The following ST6GALNAC3 variants were observed in gnomAD, a reference collection of about 807,000 sequenced individuals.
The protein encoded by ST6GALNAC3 is alpha-N-acetylgalactosaminide alpha-2,6-sialyltransferase 3.
Under a neutral mutation model 32.7 loss-of-function variants are expected in ST6GALNAC3, and 25 were observed. The observed-to-expected ratio is 0.76, with a 90% CI of 0.56 to 1.07. ST6GALNAC3 has a LOEUF of 1.07. ST6GALNAC3 is among the 50% of genes least tolerant of loss of function. ST6GALNAC3 has a pLI of 0.00. For missense variants in ST6GALNAC3, 355 were observed against 382.4 expected, an observed-to-expected ratio of 0.93 and a Z score of 0.60; for synonymous variants, 129 against 133.1, an observed-to-expected ratio of 0.97 and a Z score of 0.21.
chr1:76,560,401 C>T (rs931507106), intron 3 of ST6GALNAC3, among the ~76,000 whole-genome samples: 1 of 152,116 alleles, frequency 6.6e-6, no homozygotes, highest in African/African-American at 2.4e-5. Flanking sequence ...CGACAACCCA[C>T]AGAATGGGAG....
intron 1 of ST6GALNAC3, among the ~76,000 whole-genome samples, chr1:76,225,974 TC>T (rs1656044069): frequency 6.6e-6 from 1 of 152,204 alleles, no homozygotes; most frequent in Non-Finnish European, 1.5e-5. Context: ...TTGCATTTAA[TC>T]CTCATGAAGG....
At chr1:76,093,309 C>G (rs764836065) in intron 1 of ST6GALNAC3, among the ~76,000 whole-genome samples, 1 of 152,174 alleles carries the variant, frequency 6.6e-6, no homozygotes, top group Non-Finnish European at 1.5e-5. Flanking sequence ...TTAATTACCA[C>G]GTACAATTTT....
chr1:76,347,573 T>C (rs1265937965), intron 2 of ST6GALNAC3, among the ~76,000 whole-genome samples: 1 of 152,174 alleles, frequency 6.6e-6, no homozygotes, highest in Non-Finnish European at 1.5e-5. Flanking sequence ...ATTGATGGTA[T>C]CTAAGCTATT....
chr1:76,245,345 G>A (rs911380672), intron 1 of ST6GALNAC3, among the ~76,000 whole-genome samples: 5 of 152,022 alleles, frequency 3.3e-5, no homozygotes, highest in Middle Eastern at 3.2e-3. Flanking sequence ...AGTCTAGCTA[G>A]TGGTCTATTT....
chr1:76,285,625 A>AT (rs35148588), intron 1 of ST6GALNAC3, among the ~76,000 whole-genome samples: 72,273 of 151,774 alleles, frequency 0.48, 17,504 homozygotes, highest in African/African-American at 0.55. Flanking sequence ...ATGTTTTCAT[A>AT]TTTTTTTCTA....
intron 1 of ST6GALNAC3, among the ~76,000 whole-genome samples, chr1:76,209,599 C>T (rs775064009): frequency 7.9e-5 from 12 of 152,182 alleles, no homozygotes; most frequent in Non-Finnish European, 1.3e-4. Context: ...TATTTCTCCT[C>T]GGGAACTGAG....
At chr1:76,636,723 A>G (rs1649514316), downstream of ST6GALNAC3, among the ~76,000 whole-genome samples, 1 of 152,038 alleles carries the variant, frequency 6.6e-6, no homozygotes, top group Non-Finnish European at 1.5e-5. Context: ...TTTGCATCCT[A>G]GAAGTTTTTT....
chr1:76,286,170 G>C (rs1659765974), intron 1 of ST6GALNAC3, among the ~76,000 whole-genome samples: 1 of 152,198 alleles, frequency 6.6e-6, no homozygotes, highest in African/African-American at 2.4e-5. Flanking sequence ...AGAGGAAACA[G>C]TAAGAGAGAA....
At chr1:76,358,912 T>G (rs953881619) in intron 2 of ST6GALNAC3, among the ~76,000 whole-genome samples, 7 of 152,210 alleles carry the variant, frequency 4.6e-5, no homozygotes, top group Admixed American at 6.5e-5. Flanking sequence ...TTTTACCTCT[T>G]AGATCAATCA....
At chr1:76,537,711 A>G (rs751567087) in intron 3 of ST6GALNAC3, among the ~76,000 whole-genome samples, 3 of 152,222 alleles carry the variant, frequency 2.0e-5, no homozygotes, top group Non-Finnish European at 4.4e-5. Context: ...ACAGAAATGC[A>G]AACTACCATC....
chr1:76,084,646 TG>T (rs1031214302), intron 1 of ST6GALNAC3, among the ~76,000 whole-genome samples: 2 of 152,242 alleles, frequency 1.3e-5, no homozygotes, highest in African/African-American at 4.8e-5. Context: ...TGCTTATTTC[TG>T]TGTGCATAAA....
At chr1:76,317,306 C>T (rs1018255396) in intron 2 of ST6GALNAC3, among the ~76,000 whole-genome samples, 3 of 152,036 alleles carry the variant, frequency 2.0e-5, no homozygotes, top group African/African-American at 4.8e-5. Flanking sequence ...AGGCGCAATC[C>T]GTTGCAGAAA....
chr1:76,442,860 C>T (rs1269376093), intron 3 of ST6GALNAC3, among the ~76,000 whole-genome samples: 1 of 152,172 alleles, frequency 6.6e-6, no homozygotes, highest in African/African-American at 2.4e-5. Flanking sequence ...TTAGCTATTC[C>T]TCCTCCATCA....
chr1:76,379,733 T>C (rs143633310), intron 2 of ST6GALNAC3, among the ~76,000 whole-genome samples: 7 of 152,306 alleles, frequency 4.6e-5, no homozygotes, highest in Non-Finnish European at 7.3e-5. Context: ...TGTGGGTCCT[T>C]TCTCTCCTAG....
At position 76,133,356 on chromosome 1, in the gene ST6GALNAC3, G is replaced by C. The variant is rs186874926; in HGVS notation, c.18+58472G>C. Among the ~76,000 whole-genome samples the C allele has an allele frequency of 3.3e-5, 5 of 152,252 alleles. No homozygotes were observed. The East Asian group carries it at 9.7e-4, about 29-fold the overall frequency. On this transcript the variant is annotated intron_variant, in intron 1 of 4. Transcript: ENST00000328299. ...TCACTGGTTGGAGCTCTGTCCTAGG[G>C]GCCTTCAGTCTGCATTGGAGCTCCT... is the stretch of plus-strand genomic sequence containing the variant.
chr1:76,577,442 C>T lies in ST6GALNAC3; in HGVS notation c.624-50010C>T, dbSNP rs189526045. 125 of 374,684 alleles carry T rather than the reference C, an allele frequency of 3.3e-4. No homozygotes were observed. The Middle Eastern group carries it at 0.011, about 33-fold the overall frequency. The allele number at this position is 374,684 out of a possible 1,614,324, so 23.2% of individuals were successfully genotyped here. A position where few individuals can be genotyped will look rare whatever the true frequency, so the allele number is the denominator to read the frequency against. ...TCTTGGCTCACTAATTCATGCCATGCCGCTCAAAATTAAAGCATTAAAATT... is the reference window on the plus strand; with the variant it reads ...TCTTGGCTCACTAATTCATGCCATGTCGCTCAAAATTAAAGCATTAAAATT... On this transcript the variant is annotated intron_variant, in intron 3 of 4. Coordinates refer to ENST00000328299, the MANE Select transcript of ST6GALNAC3 (RefSeq NM_152996.4).
chr1:76,462,984 G>A (rs1658384054), intron 3 of ST6GALNAC3, among the ~76,000 whole-genome samples: 1 of 151,976 alleles, frequency 6.6e-6, no homozygotes, highest in South Asian at 2.1e-4. Context: ...TGTGACTTGT[G>A]GTCAAACACC....
At chr1:76,143,720 G>A (rs1291155749) in intron 1 of ST6GALNAC3, among the ~76,000 whole-genome samples, 2 of 152,072 alleles carry the variant, frequency 1.3e-5, no homozygotes, top group Non-Finnish European at 2.9e-5. Flanking sequence ...TTATCGAATA[G>A]CAGTGTCGCA....
chr1:76,245,996 T>C (rs1657236272), intron 1 of ST6GALNAC3, among the ~76,000 whole-genome samples: 1 of 152,182 alleles, frequency 6.6e-6, no homozygotes, highest in African/African-American at 2.4e-5. Context: ...TGTCTAATAT[T>C]GACAGTGGGG....
Sources: gnomAD v4.1 joint callset for allele counts (sites outside exome capture counted in the v4.1 genomes callset) on GRCh38, gnomAD v4.1.1 for gene constraint, MANE v1.5 for transcripts, NCBI Gene and HGNC (gene_info 2026-07-23, HGNC 2026-07-21) for gene names.